Variants in BFSP2 observed in about 807,000 individuals in gnomAD.
BFSP2 encodes phakinin.
Under a neutral mutation model 44.9 loss-of-function variants are expected in BFSP2, and 38 were observed. The ratio of observed to expected loss-of-function variants is 0.85; its 90% confidence interval spans 0.65 to 1.11. BFSP2 has a LOEUF of 1.11. Ranked by LOEUF, BFSP2 falls within the 50% of genes least tolerant of loss-of-function variation. BFSP2 has a pLI of 0.00. For missense variants in BFSP2, 525 were observed against 533.0 expected, an observed-to-expected ratio of 0.99 and a Z score of 0.15; for synonymous variants, 197 against 209.9, an observed-to-expected ratio of 0.94 and a Z score of 0.53.
chr3:133,455,872 C>T (rs1258173517), intron 4 of BFSP2: 2 of 152,590 alleles, frequency 1.3e-5, no homozygotes, highest in Admixed American at 1.3e-4. Context: ...TAAGCCTGGT[C>T]TGAAGTCTGC....
At chr3:133,420,716 C>T (rs576661510) in intron 1 of BFSP2, among the ~76,000 whole-genome samples, 2 of 152,292 alleles carry the variant, frequency 1.3e-5, no homozygotes, top group Admixed American at 6.5e-5. Flanking sequence ...TCTCTTCTCA[C>T]GTGTCCTGTG....
In BFSP2 at chr3:133,442,042, G is replaced by C. The variant is rs188759877; in HGVS notation, c.490-5275G>C. On this transcript the variant is annotated intron_variant, in intron 1 of 6. Transcript: ENST00000302334. ...CTGGAGCCTTTGGAGCAATGGAAGAGTAACAAGCATGCAGGGCCTTGAAGG... is the reference window on the plus strand; with the variant it reads ...CTGGAGCCTTTGGAGCAATGGAAGACTAACAAGCATGCAGGGCCTTGAAGG... Among the ~76,000 whole-genome samples the C allele has an allele frequency of 7.7e-4, 117 of 152,358 alleles. 1 individual carries two copies. The highest frequency in any genetic ancestry group is 2.8e-3 in the African/African-American group (116 of 41,588).
chr3:133,471,688 C>G (rs1275935091), intron 5 of BFSP2, among the ~76,000 whole-genome samples: 1 of 151,984 alleles, frequency 6.6e-6, no homozygotes. Flanking sequence ...ACCCAGGATG[C>G]GCTCCTTGGA....
intron 4 of BFSP2, among the ~76,000 whole-genome samples, chr3:133,457,967 A>T (rs1168467510): frequency 6.6e-6 from 1 of 152,204 alleles, no homozygotes; most frequent in East Asian, 1.9e-4. Flanking sequence ...TATACCTCTC[A>T]TTTCCATATA....
At chr3:133,441,357 C>T (rs2073843647) in intron 1 of BFSP2, among the ~76,000 whole-genome samples, 1 of 152,102 alleles carries the variant, frequency 6.6e-6, no homozygotes, top group Non-Finnish European at 1.5e-5. Flanking sequence ...TGCACTCGGC[C>T]TCAGATGCAA....
intron 1 of BFSP2, among the ~76,000 whole-genome samples, chr3:133,433,871 G>C (rs147990632): frequency 6.6e-6 from 1 of 152,108 alleles, no homozygotes; most frequent in African/African-American, 2.4e-5. Context: ...ATGCTACAAG[G>C]TACAGCCCAT....
rs543236539 is a variant in BFSP2, at chr3:133,417,674, T to C, written c.489+17102T>C. On this transcript the variant is annotated intron_variant, in intron 1 of 6. Transcript: ENST00000302334. ...CTTCCCTCTACTCACCCCTGCCCTC[T>C]CCTCTCTACTCAACCCTGTCCTCTT... Among the ~76,000 whole-genome samples the C allele has an allele frequency of 1.4e-4, 19 of 134,758 alleles. No individual in the cohort carries two copies. In the East Asian group the frequency reaches 4.7e-3, roughly 33 times the overall value. The allele number at this position is 134,758 out of a possible 152,430, so 88.4% of individuals were successfully genotyped here.
Position 133,400,190 on chromosome 3 carries a change from T to C in BFSP2, c.107T>C (p.Leu36Pro). 1 of 1,614,072 alleles carries C rather than the reference T, an allele frequency of 6.2e-7. No individual in the cohort carries two copies. The highest frequency in any genetic ancestry group is 8.5e-7 in the Non-Finnish European group (1 of 1,180,002). The change falls in exon 1 of 7, where the codon CTG becomes CCG. Residue 36 changes from leucine to proline, a missense_variant. Coordinates refer to ENST00000302334, the MANE Select transcript of BFSP2 (RefSeq NM_003571.4). The surrounding 1 kb of genome is among the most constrained non-coding windows in gnomAD (Gnocchi z 4.0). ...AGGGGGCCACGGTCATCATCCTCCCTGGAGAGCCCCCCAGCCTCCAGGACC... is the reference window on the plus strand; with the variant it reads ...AGGGGGCCACGGTCATCATCCTCCCCGGAGAGCCCCCCAGCCTCCAGGACC... ...SFRGPRSSSS[L>P]ESPPASRTNA...
At chr3:133,466,656 CA>C (rs560737852) in intron 4 of BFSP2, among the ~76,000 whole-genome samples, 171 bp from the exon 5 acceptor site, 8 of 102,690 alleles carry the variant, frequency 7.8e-5, no homozygotes, top group Non-Finnish European at 1.5e-4. Context: ...GCCTGGGCTA[CA>C]GAGCGAGACT....
intron 1 of BFSP2, among the ~76,000 whole-genome samples, chr3:133,433,759 G>T (rs1269661086): frequency 2.0e-5 from 3 of 152,102 alleles, no homozygotes; most frequent in African/African-American, 7.2e-5. Context: ...CAGACTAGCG[G>T]TCTATTAAAA....
chr3:133,410,807 C>G (rs191966673), intron 1 of BFSP2: 36 of 193,454 alleles, frequency 1.9e-4, no homozygotes, highest in Non-Finnish European at 3.9e-4. Context: ...CACATCTCGC[C>G]AGGCTGAAAA....
chr3:133,435,084 A>C (rs1004830498), intron 1 of BFSP2, among the ~76,000 whole-genome samples: 5 of 152,232 alleles, frequency 3.3e-5, no homozygotes, highest in African/African-American at 4.8e-5. Flanking sequence ...TTTTAAGATT[A>C]GGAAACAAAA....
intron 1 of BFSP2, among the ~76,000 whole-genome samples, chr3:133,423,092 T>C (rs2073607516): frequency 6.6e-6 from 1 of 151,718 alleles, no homozygotes; most frequent in Non-Finnish European, 1.5e-5. Context: ...ACCTAAAACC[T>C]AGCACAATGC....
chr3:133,446,789 T>A (rs1438031340), intron 1 of BFSP2, among the ~76,000 whole-genome samples: 2 of 150,734 alleles, frequency 1.3e-5, no homozygotes, highest in Non-Finnish European at 3.0e-5. Context: ...TTCACGTGTA[T>A]GTTTTGGGGG....
In BFSP2 at chr3:133,421,273, C is replaced by A. The variant is rs536395367; in HGVS notation, c.489+20701C>A. Among the ~76,000 whole-genome samples the A allele has an allele frequency of 2.0e-5, 3 of 152,330 alleles. 1 individual carries two copies. In the South Asian group the frequency reaches 6.2e-4, roughly 32 times the overall value. ...GGCTACCATAACAAAGGATTACAAA[C>A]TGGGTGGCTTAAAACAACAGAAAGC... On this transcript the variant is annotated intron_variant, in intron 1 of 6. Transcript: ENST00000302334.
At chr3:133,411,989 T>C (rs760750393) in intron 1 of BFSP2, among the ~76,000 whole-genome samples, 2 of 152,184 alleles carry the variant, frequency 1.3e-5, no homozygotes, top group Non-Finnish European at 2.9e-5. Context: ...TATTTGATAA[T>C]TGAGAAAGTA....
At chr3:133,426,742 C>T (rs1223334614) in intron 1 of BFSP2, among the ~76,000 whole-genome samples, 3 of 152,200 alleles carry the variant, frequency 2.0e-5, no homozygotes, top group East Asian at 1.9e-4. Context: ...GAGAATTCTG[C>T]AGAGGCCTCC....
At chr3:133,456,425 T>C (rs7645387) in intron 4 of BFSP2, among the ~76,000 whole-genome samples, 134,168 of 152,252 alleles carry the variant, frequency 0.88, 59,735 homozygotes, top group Non-Finnish European at 0.95. Flanking sequence ...CTATAATCCA[T>C]GCAGCAATCC....
chr3:133,466,166 A>AG (rs1157262156), intron 4 of BFSP2, among the ~76,000 whole-genome samples: 1 of 114,438 alleles, frequency 8.7e-6, no homozygotes, highest in Non-Finnish European at 2.0e-5. Context: ...GTACCAAAGC[A>AG]CGGGGGGGGC....
Sources: allele counts gnomAD v4.1 joint callset (sites outside exome capture counted in the v4.1 genomes callset), GRCh38; gene constraint gnomAD v4.1.1; non-coding constraint Gnocchi (gnomAD v3.1); transcripts MANE v1.5; gene names NCBI Gene and HGNC (gene_info 2026-07-23, HGNC 2026-07-21).